Variants in COX10 observed in about 807,000 individuals in gnomAD.
COX10 encodes protoheme IX farnesyltransferase, mitochondrial.
Under a neutral mutation model 37.3 loss-of-function variants are expected in COX10, and 27 were observed. That is an observed-to-expected ratio of 0.72 (90% CI 0.53 to 1.00). The LOEUF (loss-of-function observed/expected upper bound fraction) is 1.00, where lower values mean the gene tolerates loss of function less well. Ranked by LOEUF, COX10 falls within the 50% of genes least tolerant of loss-of-function variation. The probability of loss-of-function intolerance (pLI) is 0.00; values close to 1 mark genes in which losing one functional copy is unlikely to be tolerated. For synonymous variants in COX10, 222 were observed against 229.1 expected (o/e 0.97, Z 0.28); for missense variants, 475 against 563.2 (o/e 0.84, Z 1.59).
At chr17:14,108,925 G>A (rs967700277) in intron 4 of COX10, among the ~76,000 whole-genome samples, 4 of 152,112 alleles carry the variant, frequency 2.6e-5, no homozygotes, top group Non-Finnish European at 5.9e-5. Context: ...AACAAAAGTG[G>A]TTATTAAATT....
At chr17:14,079,856 ATATGTATG>A (rs59832330) in intron 3 of COX10, among the ~76,000 whole-genome samples, 9 of 149,002 alleles carry the variant, frequency 6.0e-5, no homozygotes, top group East Asian at 2.0e-4. Context: ...ATATATATAT[ATATGTATG>A]TATGTATGTA....
At chr17:14,139,385 T>C (rs1474364866) in intron 4 of COX10, among the ~76,000 whole-genome samples, 5 of 152,192 alleles carry the variant, frequency 3.3e-5, no homozygotes, top group African/African-American at 1.2e-4. Flanking sequence ...ATTGTTTATT[T>C]ATAGCAAATT....
chr17:14,190,465 G>A (rs1055418332), intron 5 of COX10, among the ~76,000 whole-genome samples: 3 of 152,190 alleles, frequency 2.0e-5, no homozygotes, highest in Non-Finnish European at 2.9e-5. Flanking sequence ...GCACTCAGAA[G>A]TCTCTCAGCT....
chr17:14,207,225 C>T lies in COX10; in HGVS notation c.*12C>T, dbSNP rs753213748. The T allele has an allele frequency of 2.2e-5, 34 of 1,568,536 alleles. No individual in the cohort carries two copies. Among genetic ancestry groups the T allele is most frequent in the East Asian group, 1.4e-4 (6 of 44,174 alleles). The stretch of plus-strand genomic sequence containing the variant: ...CCCCTCCCAGCTGAGAGCACTGGGA[C>T]GCCCACCGCCCCTTTCCCTCCGCTG... On this transcript the variant is annotated 3_prime_UTR_variant, in exon 7 of 7. Transcript: ENST00000261643.
At chr17:14,182,427 A>C in intron 5 of COX10, 1 of 699,836 alleles carries the variant, frequency 1.4e-6, no homozygotes, top group Non-Finnish European at 1.8e-6. Flanking sequence ...ATTTTCTTTT[A>C]AAATAGGTTT....
At chr17:14,162,632 T>C (rs1905193530) in intron 5 of COX10, among the ~76,000 whole-genome samples, 1 of 152,176 alleles carries the variant, frequency 6.6e-6, no homozygotes, top group African/African-American at 2.4e-5. Flanking sequence ...CTTTTTTTTT[T>C]TTTTTATCAA....
chr17:14,148,394 G>A (rs577301333), intron 4 of COX10, among the ~76,000 whole-genome samples: 1 of 152,154 alleles, frequency 6.6e-6, no homozygotes, highest in Non-Finnish European at 1.5e-5. Flanking sequence ...ATGGAATCCT[G>A]CTGGATAAGG....
intron 5 of COX10, among the ~76,000 whole-genome samples, chr17:14,180,646 A>G (rs1319182199): frequency 6.6e-6 from 1 of 152,192 alleles, no homozygotes; most frequent in African/African-American, 2.4e-5. Flanking sequence ...TCTAATAAAT[A>G]TGAATATGAA....
At chr17:14,183,203 A>C (rs1268781313) in intron 5 of COX10, among the ~76,000 whole-genome samples, 1 of 150,764 alleles carries the variant, frequency 6.6e-6, no homozygotes, top group Admixed American at 6.6e-5. Flanking sequence ...AATGTAATTC[A>C]GTTTTGTATA....
intron 3 of COX10, chr17:14,077,442 G>A (rs1209226306): frequency 4.1e-6 from 1 of 242,284 alleles, no homozygotes; most frequent in African/African-American, 2.3e-5. Flanking sequence ...ATCCACAGTG[G>A]CCACTGAGTC....
At position 14,102,556 on chromosome 17, in the gene COX10, A is replaced by G. The variant is rs377617839; in HGVS notation, c.624+314A>G. On this transcript the variant is annotated intron_variant, in intron 4 of 6. Coordinates refer to ENST00000261643, the MANE Select transcript of COX10 (RefSeq NM_001303.4). ...GTATCTTTGTTTATCCATTTCAGAT[A>G]CATTTCCCTGAGCTTGTCATTGTGC... Among the ~76,000 whole-genome samples, 54 of 152,288 alleles carry G rather than the reference A, an allele frequency of 3.5e-4. 2 individuals are homozygous for G. The highest frequency in any genetic ancestry group is 1.2e-3 in the African/African-American group (51 of 41,576).
chr17:14,168,391 A>G (rs1056495572), intron 5 of COX10, among the ~76,000 whole-genome samples: 7 of 152,132 alleles, frequency 4.6e-5, no homozygotes, highest in Non-Finnish European at 7.4e-5. Flanking sequence ...CTGTCAGTGG[A>G]TCTACCATTC....
intron 3 of COX10, among the ~76,000 whole-genome samples, chr17:14,098,515 T>C (rs980633627): frequency 1.3e-5 from 2 of 152,160 alleles, no homozygotes; most frequent in East Asian, 1.9e-4. Flanking sequence ...GTTTTGCAAT[T>C]TATGGTGTGA....
intron 4 of COX10, among the ~76,000 whole-genome samples, chr17:14,126,636 T>A (rs1382266428): frequency 1.3e-5 from 2 of 152,276 alleles, no homozygotes; most frequent in Admixed American, 6.5e-5. Flanking sequence ...TTCCTCTTAT[T>A]ATTTTGATAA....
intron 2 of COX10, among the ~76,000 whole-genome samples, chr17:14,074,718 G>A (rs886934105): frequency 2.0e-5 from 3 of 152,064 alleles, no homozygotes; most frequent in African/African-American, 4.8e-5. Flanking sequence ...GGCATATTTC[G>A]ACCTGGCCAA....
chr17:14,113,364 G>A (rs1005436736), intron 4 of COX10, among the ~76,000 whole-genome samples: 2 of 151,990 alleles, frequency 1.3e-5, no homozygotes, highest in African/African-American at 4.8e-5. Context: ...CTGTCATTGG[G>A]TTGAACTTGT....
At chr17:14,178,978 G>T (rs1039402999) in intron 5 of COX10, among the ~76,000 whole-genome samples, 1 of 152,200 alleles carries the variant, frequency 6.6e-6, no homozygotes, top group East Asian at 1.9e-4. Flanking sequence ...ACTTTACGTG[G>T]CACTTGGCCA....
At chr17:14,133,836 G>A (rs1047258411) in intron 4 of COX10, among the ~76,000 whole-genome samples, 1 of 151,650 alleles carries the variant, frequency 6.6e-6, no homozygotes, top group African/African-American at 2.4e-5. Flanking sequence ...ATGAGTTTCA[G>A]TGTAGTCTTA....
In COX10 at chr17:14,127,357, A is replaced by G. The variant is rs914714862; in HGVS notation, c.624+25115A>G. On this transcript the variant is annotated intron_variant, in intron 4 of 6. Coordinates refer to ENST00000261643, the MANE Select transcript of COX10 (RefSeq NM_001303.4). The stretch of plus-strand genomic sequence containing the variant: ...TGATAGAGTTCGAGACAGCTCAACT[A>G]TAAGCTTATTTCAGCTGTTTATTAT... Among the ~76,000 whole-genome samples, 8 of 152,302 alleles carry G rather than the reference A, an allele frequency of 5.3e-5. No homozygotes were observed. The South Asian group carries it at 1.4e-3, about 28-fold the overall frequency.
Sources: allele counts gnomAD v4.1 joint callset (sites outside exome capture counted in the v4.1 genomes callset), GRCh38; gene constraint gnomAD v4.1.1; transcripts MANE v1.5; gene names NCBI Gene and HGNC (gene_info 2026-07-23, HGNC 2026-07-21).